The following LDLRAD4 variants were observed in gnomAD, a reference collection of about 807,000 sequenced individuals.
The protein encoded by LDLRAD4 is low density lipoprotein receptor class A domain containing 4, also known as low-density lipoprotein receptor class A domain-containing protein 4.
LDLRAD4 carries 5 observed loss-of-function variants against 17.0 expected under a neutral mutation model. That is an observed-to-expected ratio of 0.29 (90% CI 0.15 to 0.62). The LOEUF is 0.62. Ranked by LOEUF, LDLRAD4 falls within the 20% of genes least tolerant of loss-of-function variation. LDLRAD4 has a pLI of 0.84. For synonymous variants in LDLRAD4, 168 were observed against 171.8 expected (o/e 0.98, Z 0.17); for missense variants, 340 against 424.7 (o/e 0.80, Z 1.75).
chr18:13,461,068 T>A (rs1203800785), intron 3 of LDLRAD4: 2 of 129,380 alleles, frequency 1.5e-5, no homozygotes, highest in African/African-American at 5.5e-5. Context: ...CACCTCACCA[T>A]GCTGGGGTGG....
At chr18:13,578,354 C>G (rs770261586) in intron 3 of LDLRAD4, among the ~76,000 whole-genome samples, 1 of 152,152 alleles carries the variant, frequency 6.6e-6, no homozygotes, top group African/African-American at 2.4e-5. Context: ...GAAATTTTCC[C>G]TAAAACTAGA....
chr18:13,389,236 CGTG>C (rs1568086968), intron 2 of LDLRAD4, among the ~76,000 whole-genome samples: 1 of 152,146 alleles, frequency 6.6e-6, no homozygotes, highest in African/African-American at 2.4e-5. Context: ...GCAGCTCCCT[CGTG>C]GATACTCCTC....
At chr18:13,592,248 A>G (rs1485533364) in intron 3 of LDLRAD4, among the ~76,000 whole-genome samples, 1 of 152,250 alleles carries the variant, frequency 6.6e-6, no homozygotes, top group Non-Finnish European at 1.5e-5. Flanking sequence ...ACAGTGAGAA[A>G]TGCATCTTGC....
chr18:13,262,682 A>G (rs1455325938), intron 1 of LDLRAD4, among the ~76,000 whole-genome samples: 43 of 38,412 alleles, frequency 1.1e-3, no homozygotes, highest in African/African-American at 3.0e-3. Flanking sequence ...GTGCGTGGAA[A>G]CTGAGTCCCG....
In LDLRAD4 at chr18:13,390,442, G is replaced by A. The variant is rs539650630; in HGVS notation, c.40+2680G>A. 3.9e-5 allele frequency among the ~76,000 whole-genome samples: 6 copies of A among 152,316 alleles called. No homozygotes were observed. The South Asian group carries it at 6.2e-4, about 16-fold the overall frequency. On this transcript the variant is annotated intron_variant, in intron 2 of 5. Coordinates refer to ENST00000359446, the Ensembl canonical transcript of LDLRAD4. ...ACGCTGTGTGGCCTTGGGTACACAC[G>A]GGTTCCCTGGGGAGCTTCCCTACCA...
intron 1 of LDLRAD4, among the ~76,000 whole-genome samples, chr18:13,284,182 G>A (rs747332822): frequency 6.6e-6 from 1 of 152,182 alleles, no homozygotes; most frequent in Non-Finnish European, 1.5e-5. Context: ...GAATGCCCTT[G>A]TTCATAGTTT....
intron 4 of LDLRAD4, among the ~76,000 whole-genome samples, chr18:13,634,095 C>T: frequency 6.6e-6 from 1 of 152,220 alleles, no homozygotes; most frequent in Non-Finnish European, 1.5e-5. Flanking sequence ...AAGCCCACAG[C>T]TTACATCATA....
intron 3 of LDLRAD4, among the ~76,000 whole-genome samples, chr18:13,443,958 T>C (rs547311152): frequency 6.6e-6 from 1 of 152,354 alleles, no homozygotes; most frequent in East Asian, 1.9e-4. Context: ...GCACATTGTG[T>C]CTGCTGGTTT....
chr18:13,294,010 G>T (rs2046120426), intron 1 of LDLRAD4, among the ~76,000 whole-genome samples: 1 of 152,164 alleles, frequency 6.6e-6, no homozygotes, highest in Non-Finnish European at 1.5e-5. Context: ...TGGCAGATTT[G>T]TCTCAGTGGT....
In LDLRAD4 at chr18:13,440,750, G is replaced by A. The variant is rs1764417851; in HGVS notation, c.181+2366G>A. ...GAAACACAGTCTATGTCATCGTGTTGCAGTTGCCATCTCCACTCCCCACGT... is the reference window on the plus strand; with the variant it reads ...GAAACACAGTCTATGTCATCGTGTTACAGTTGCCATCTCCACTCCCCACGT... On this transcript the variant is annotated intron_variant, in intron 3 of 5. Coordinates refer to ENST00000359446, the Ensembl canonical transcript of LDLRAD4. The surrounding 1 kb of genome is among the most constrained non-coding windows in gnomAD (Gnocchi z 4.4). Among the ~76,000 whole-genome samples, 1 of 152,208 alleles carries A rather than the reference G, an allele frequency of 6.6e-6. No homozygotes were observed. The highest frequency in any genetic ancestry group is 2.1e-4 in the South Asian group (1 of 4,836).
intron 1 of LDLRAD4, among the ~76,000 whole-genome samples, chr18:13,375,088 C>T (rs760265147): frequency 7.2e-5 from 11 of 152,152 alleles, no homozygotes; most frequent in East Asian, 1.9e-4. Flanking sequence ...GGGAAGGGGA[C>T]GGTAGTGGAG....
chr18:13,535,786 A>C (rs1034127310), intron 3 of LDLRAD4, among the ~76,000 whole-genome samples: 2 of 152,162 alleles, frequency 1.3e-5, no homozygotes, highest in Non-Finnish European at 2.9e-5. Flanking sequence ...TAACAGTTTC[A>C]GCTTTTATGT....
At chr18:13,620,995 T>A in intron 3 of LDLRAD4, 122 bp from the exon 5 acceptor site, 2 of 1,365,524 alleles carry the variant, frequency 1.5e-6, no homozygotes, top group Non-Finnish European at 1.0e-6. Context: ...CCTGCTGGCC[T>A]CTGAGGAACA....
intron 3 of LDLRAD4, among the ~76,000 whole-genome samples, chr18:13,454,635 C>CAGGAGTTCGAAACCAGCT (rs2092024142): frequency 6.6e-6 from 1 of 152,218 alleles, no homozygotes; most frequent in Non-Finnish European, 1.5e-5. Flanking sequence ...TGAAGGATGC[C>CAGGAGTTCGAAACCAGCT]TGTCTCTGCA....
chr18:13,518,092 T>A (rs1648594), intron 3 of LDLRAD4, among the ~76,000 whole-genome samples: 55,650 of 152,102 alleles, frequency 0.37, 11,633 homozygotes, highest in Admixed American at 0.53. Flanking sequence ...TCCTAGTCTG[T>A]GGATTGGTGT....
At chr18:13,612,544 C>G in intron 3 of LDLRAD4, 2 of 1,376,770 alleles carry the variant, frequency 1.5e-6, no homozygotes. Context: ...GACAGAAACA[C>G]ACCCCCCCCC....
chr18:13,610,104 A>C (rs1195678764), intron 3 of LDLRAD4, among the ~76,000 whole-genome samples: 1 of 152,124 alleles, frequency 6.6e-6, no homozygotes, highest in Non-Finnish European at 1.5e-5. Flanking sequence ...CGTTAAATGA[A>C]AGAAAAAAAT....
intron 1 of LDLRAD4, among the ~76,000 whole-genome samples, chr18:13,287,579 A>G (rs11659728): frequency 0.051 from 7,697 of 152,216 alleles, 235 homozygotes; most frequent in Non-Finnish European, 0.076. Flanking sequence ...GCGCCACCCT[A>G]TGGTGTGGGC....
chr18:13,433,044 T>C (rs962899541), intron 2 of LDLRAD4, among the ~76,000 whole-genome samples: 1 of 152,214 alleles, frequency 6.6e-6, no homozygotes, highest in African/African-American at 2.4e-5. Flanking sequence ...ATAGGATATC[T>C]TACACCTTGC....
Sources: gnomAD v4.1 joint callset for allele counts (sites outside exome capture counted in the v4.1 genomes callset) on GRCh38, gnomAD v4.1.1 for gene constraint, Gnocchi (gnomAD v3.1) non-coding constraint, MANE v1.5 for transcripts, NCBI Gene and HGNC (gene_info 2026-07-23, HGNC 2026-07-21) for gene names.